The following SERPINB12 variants were observed in gnomAD, a reference collection of about 807,000 sequenced individuals.
SERPINB12 encodes the protein serpin B12.
A neutral mutation model predicts 41.1 loss-of-function variants in SERPINB12; 57 were observed. The observed-to-expected ratio is 1.39, with a 90% CI of 1.12 to 1.73. The LOEUF is 1.73. Ranked by LOEUF, SERPINB12 falls within the 40% of genes most tolerant of loss-of-function variation. The pLI, the probability that SERPINB12 is intolerant of heterozygous loss-of-function variation, is 0.00. For synonymous variants in SERPINB12, 180 were observed against 181.3 expected (o/e 0.99, Z 0.06); for missense variants, 536 against 501.9 (o/e 1.07, Z -0.65).
intron 4 of SERPINB12, among the ~76,000 whole-genome samples, 188 bp from the exon 5 acceptor site, chr18:63,560,897 T>A (rs1207842913): frequency 6.6e-6 from 1 of 152,174 alleles, no homozygotes; most frequent in African/African-American, 2.4e-5. Flanking sequence ...CATTTTTCAC[T>A]AAAAAAACTG....
chr18:63,529,077 A>G, the SERPINB12 span, among the ~76,000 whole-genome samples: 1 of 152,192 alleles, frequency 6.6e-6, no homozygotes, highest in Non-Finnish European at 1.5e-5. Flanking sequence ...GCTTCTGGAC[A>G]CTATGATGTC....
chr18:63,559,599 A>G lies in SERPINB12; in HGVS notation c.325A>G (p.Ser109Gly). The G allele has an allele frequency of 1.2e-6, 2 of 1,614,114 alleles. No homozygotes were observed. The highest frequency in any genetic ancestry group is 2.2e-5 in the South Asian group (2 of 91,062). Residue 109 changes from serine to glycine, a missense_variant, in exon 4 of 8, where the codon AGC becomes GGC. By Grantham distance (56) the Ser-to-Gly change is moderately conservative. Coordinates refer to ENST00000382768, the MANE Select transcript of SERPINB12 (RefSeq NM_001307928.2). ...TTAGGCTGGGTCCTTAAACAATGAGAGCGGACTGGTCAGCTGCTACTTTGG... is the reference window on the plus strand; with the variant it reads ...TTAGGCTGGGTCCTTAAACAATGAGGGCGGACTGGTCAGCTGCTACTTTGG... ...DQQAGSLNNESGLVSCYFGQL... is the reference protein window; with the variant it reads ...DQQAGSLNNEGGLVSCYFGQL...
Position 63,567,028 on chromosome 18 carries a change from A to C in SERPINB12, c.*17A>C. On this transcript the variant is annotated 3_prime_UTR_variant, in exon 8 of 8. Coordinates refer to ENST00000382768, the MANE Select transcript of SERPINB12 (RefSeq NM_001307928.2). The stretch of plus-strand genomic sequence containing the variant: ...TCTCCTTAAAAGGGGAGCAGTGTCT[A>C]GTACTTTGGAGCTGGAGGAAAATAT... 6.5e-7 allele frequency: 1 copy of C among 1,532,722 alleles called. No individual in the cohort carries two copies. The highest frequency in any genetic ancestry group is 8.7e-7 in the Non-Finnish European group (1 of 1,143,550). The allele number at this position is 1,532,722 out of a possible 1,614,324, so 94.9% of individuals were successfully genotyped here. A position where few individuals can be genotyped will look rare whatever the true frequency, so the allele number is the denominator to read the frequency against.
the SERPINB12 span, among the ~76,000 whole-genome samples, chr18:63,535,428 A>G: frequency 6.6e-6 from 1 of 152,142 alleles, no homozygotes; most frequent in East Asian, 1.9e-4. Flanking sequence ...AAAATGCGTA[A>G]CTCGAATCTA....
intron 1 of SERPINB12, among the ~76,000 whole-genome samples, chr18:63,555,072 T>G (rs1599418862): frequency 1.3e-5 from 2 of 152,310 alleles, no homozygotes; most frequent in South Asian, 2.1e-4. Context: ...TGTGAGTCAA[T>G]TAAAACTCTT....
chr18:63,566,893 T>A lies in SERPINB12; in HGVS notation c.1160T>A (p.Val387Asp). The A allele has an allele frequency of 1.9e-6, 3 of 1,614,224 alleles. No homozygotes were observed. Among genetic ancestry groups the A allele is most frequent in the Non-Finnish European group, 2.5e-6 (3 of 1,180,028 alleles). Residue 387 changes from valine to aspartate, a missense_variant, in exon 8 of 8, where the codon GTC (valine) becomes GAC (aspartate). Val to Asp is a radical substitution (Grantham distance 152). Transcript: ENST00000382768. ...TQAAAATGAV[V>D]SERSLRSWVE... is the part of the protein sequence containing the mutation. Reference sequence around the variant, plus strand: ...GCAGCTGCAGCCACTGGGGCTGTTGTCTCGGAAAGGTCACTACGATCTTGG... The same window carrying A: ...GCAGCTGCAGCCACTGGGGCTGTTGACTCGGAAAGGTCACTACGATCTTGG...
At chr18:63,529,568 T>C in the SERPINB12 span, among the ~76,000 whole-genome samples, 1 of 152,214 alleles carries the variant, frequency 6.6e-6, no homozygotes, top group Non-Finnish European at 1.5e-5. Flanking sequence ...AGTTTGGATG[T>C]GCTAGGTTTG....
the SERPINB12 span, among the ~76,000 whole-genome samples, chr18:63,528,377 C>A: frequency 6.9e-6 from 1 of 144,452 alleles, no homozygotes; most frequent in South Asian, 2.2e-4. Flanking sequence ...CATTTCATTT[C>A]TTAATCTCTG....
intron 3 of SERPINB12, 125 bp downstream of exon 3, chr18:63,558,611 AC>A (rs1353931071): frequency 1.0e-5 from 11 of 1,048,530 alleles, no homozygotes; most frequent in Admixed American, 5.7e-5. Flanking sequence ...AACAGCAATA[AC>A]CTCATGTGAT....
intron 4 of SERPINB12, 63 bp downstream of exon 4, chr18:63,559,781 T>TAACCC: frequency 3.2e-6 from 5 of 1,559,340 alleles, no homozygotes; most frequent in Non-Finnish European, 3.5e-6. Context: ...AATCAGGGAG[T>TAACCC]AGCTGGGTTA....
chr18:63,527,661 G>A, the SERPINB12 span, among the ~76,000 whole-genome samples: 1 of 152,096 alleles, frequency 6.6e-6, no homozygotes, highest in Admixed American at 6.6e-5. Context: ...TTCCTCAAGA[G>A]TGTAGGCAAG....
chr18:63,563,051 A>C lies in SERPINB12; in HGVS notation c.563-927A>C, dbSNP rs1044053174. ...CTGAGGACCCATTCCTGCCAGTCTTACTGCTTCTTGGCTGTGTGACTTCAG... is the reference window on the plus strand; with the variant it reads ...CTGAGGACCCATTCCTGCCAGTCTTCCTGCTTCTTGGCTGTGTGACTTCAG... On this transcript the variant is annotated intron_variant, in intron 5 of 7. Coordinates refer to ENST00000382768, the MANE Select transcript of SERPINB12 (RefSeq NM_001307928.2). 2.0e-5 allele frequency among the ~76,000 whole-genome samples: 3 copies of C among 152,208 alleles called. No homozygotes were observed. In the South Asian group the frequency reaches 6.2e-4, roughly 32 times the overall value.
chr18:63,523,928 C>G, the SERPINB12 span, among the ~76,000 whole-genome samples: 1 of 152,074 alleles, frequency 6.6e-6, no homozygotes, highest in Non-Finnish European at 1.5e-5. Context: ...GATATTGAAT[C>G]TGAAAAGCTT....
chr18:63,555,509 T>C (rs901492973), intron 1 of SERPINB12, among the ~76,000 whole-genome samples: 1 of 152,184 alleles, frequency 6.6e-6, no homozygotes, highest in Non-Finnish European at 1.5e-5. Flanking sequence ...CCTAAAAATA[T>C]AGTTTAAGTC....
At position 63,558,364 on chromosome 18, in the gene SERPINB12, A is replaced by G; in HGVS notation, c.181A>G (p.Asn61Asp). The stretch of plus-strand genomic sequence containing the variant: ...CGTTATCATGCAGGTACTACACTTC[A>G]ACGAATTTTCCCAGAATGAAAGCAA... ...AHQIDEVLHFNEFSQNESKEP... is the reference protein window; with the variant it reads ...AHQIDEVLHFDEFSQNESKEP... Residue 61 changes from asparagine (N) to aspartate (D), a missense_variant, in exon 3 of 8, where the codon AAC becomes GAC. Physicochemically the swap from Asn to Asp is conservative, Grantham distance 23. Coordinates refer to ENST00000382768, the MANE Select transcript of SERPINB12 (RefSeq NM_001307928.2). 6.2e-7 allele frequency: 1 copy of G among 1,613,658 alleles called. No homozygotes were observed. The highest frequency in any genetic ancestry group is 8.5e-7 in the Non-Finnish European group (1 of 1,179,816).
chr18:63,519,930 C>T, the SERPINB12 span, among the ~76,000 whole-genome samples: 1 of 152,116 alleles, frequency 6.6e-6, no homozygotes, highest in Non-Finnish European at 1.5e-5. Context: ...TTGGGAAACT[C>T]AGCCCCGTGG....
At chr18:63,536,337 T>A in the SERPINB12 span, among the ~76,000 whole-genome samples, 3 of 151,912 alleles carry the variant, frequency 2.0e-5, no homozygotes, top group Admixed American at 2.0e-4. Context: ...CAAAAGAGGA[T>A]GTACGAATCA....
the SERPINB12 span, among the ~76,000 whole-genome samples, chr18:63,520,283 G>A: frequency 1.3e-5 from 2 of 152,178 alleles, no homozygotes; most frequent in Non-Finnish European, 2.9e-5. Flanking sequence ...ATGGTGGCAG[G>A]AGCCATGCTT....
chr18:63,566,882 T>C lies in SERPINB12; in HGVS notation c.1149T>C (p.Thr383=), dbSNP rs1349012200. 6.2e-7 allele frequency: 1 copy of C among 1,614,212 alleles called. No individual in the cohort carries two copies. ...ACGGTACCCAGGCAGCTGCAGCCAC[T>C]GGGGCTGTTGTCTCGGAAAGGTCAC... ...DENGTQAAAA[T]GAVVSERSLR... Residue 383 remains threonine (T), a synonymous_variant, in exon 8 of 8, where the codon ACT becomes ACC. Transcript: ENST00000382768.
Sources: allele counts gnomAD v4.1 joint callset (sites outside exome capture counted in the v4.1 genomes callset), GRCh38; gene constraint gnomAD v4.1.1; transcripts MANE v1.5; gene names NCBI Gene and HGNC (gene_info 2026-07-23, HGNC 2026-07-21).